Variants in TTF2 observed in about 807,000 individuals in gnomAD.
The protein encoded by TTF2 is RNA polymerase II termination factor.
In TTF2, 108 loss-of-function variants were observed where a neutral mutation model predicts 142.4. That is an observed-to-expected ratio of 0.76 (90% CI 0.65 to 0.89). TTF2 has a LOEUF of 0.89. TTF2 is among the 40% of genes least tolerant of loss of function. The pLI is 0.00. For synonymous variants in TTF2, 483 were observed against 506.2 expected (o/e 0.95, Z 0.61); for missense variants, 1,327 against 1,379.8 (o/e 0.96, Z 0.61).
At chr1:117,091,983 T>C in intron 17 of TTF2, 33 bp downstream of exon 17, 1 of 1,570,916 alleles carries the variant, frequency 6.4e-7, no homozygotes, top group South Asian at 1.2e-5. Context: ...TGTCATATAG[T>C]GCTCCAGAGG....
At position 117,081,906 on chromosome 1, in the gene TTF2, A is replaced by G; in HGVS notation, c.1862A>G (p.Glu621Gly). ...LTQKNQEKKE[E>G]KEKSTALTWL... ...CAGAAGAATCAAGAGAAAAAGGAAG[A>G]AAAGGAGAAAAGCACAGCTTTGACG... Residue 621 changes from glutamate to glycine, a missense_variant, in exon 10 of 23, where the codon GAA (glutamate) becomes GGA (glycine). Coordinates refer to ENST00000369466, the MANE Select transcript of TTF2 (RefSeq NM_003594.4). 3 of 1,614,196 alleles carry G rather than the reference A, an allele frequency of 1.9e-6. No individual in the cohort carries two copies. Among genetic ancestry groups the G allele is most frequent in the East Asian group, 4.5e-5 (2 of 44,874 alleles).
chr1:117,075,713 G>T lies in TTF2; in HGVS notation c.1129G>T (p.Asp377Tyr). Residue 377 changes from aspartate (D) to tyrosine (Y), a missense_variant, in exon 5 of 23, where the codon GAC becomes TAC. Coordinates refer to ENST00000369466, the MANE Select transcript of TTF2 (RefSeq NM_003594.4). This position sits in a 1 kb window ranked among gnomAD's most constrained non-coding sequence, Gnocchi z 4.5. Reference sequence around the variant, plus strand: ...CCCCCTACTCTTTGACTCGACTCTGGACTTAGAGACGAAGGAAAACCTCCA... The same window carrying T: ...CCCCCTACTCTTTGACTCGACTCTGTACTTAGAGACGAAGGAAAACCTCCA... ...GSPLLFDSTL[D>Y]LETKENLQFP... The T allele has an allele frequency of 1.9e-6, 3 of 1,614,152 alleles. No individual in the cohort carries two copies. The highest frequency in any genetic ancestry group is 2.5e-6 in the Non-Finnish European group (3 of 1,180,038).
rs554313653 is a variant in TTF2 at position 117,100,821 on chromosome 1, A to G, written c.3345-559A>G. 6.6e-6 allele frequency among the ~76,000 whole-genome samples: 1 copy of G among 152,198 alleles called. No individual in the cohort carries two copies. Among genetic ancestry groups the G allele is most frequent in the African/African-American group, 2.4e-5 (1 of 41,526 alleles). On this transcript the variant is annotated intron_variant, in intron 22 of 22. Transcript: ENST00000369466. This position sits in a 1 kb window ranked among gnomAD's most constrained non-coding sequence, Gnocchi z 4.6. ...ATTATAGCACTTACCAGGTCATATT[A>G]TTGTTTATTTTCATGTTTGTCTCGC...
At chr1:117,062,251 A>G (rs1156648769) in intron 2 of TTF2, 136 bp from the exon 3 acceptor site, 3 of 700,988 alleles carry the variant, frequency 4.3e-6, no homozygotes, top group East Asian at 2.7e-5. Flanking sequence ...TAGCTGTGAT[A>G]ATGTGTGGGA....
In TTF2 at chr1:117,075,729, A is replaced by G. The variant is rs548868642; in HGVS notation, c.1145A>G (p.Glu382Gly). ...TCGACTCTGGACTTAGAGACGAAGG[A>G]AAACCTCCAATTCCCTGATCGAAGT... ...FDSTLDLETKENLQFPDRSVQ... is the reference protein window; with the variant it reads ...FDSTLDLETKGNLQFPDRSVQ... The change falls in exon 5 of 23, where the codon GAA (glutamate) becomes GGA (glycine). Residue 382 changes from glutamate to glycine, a missense_variant. Coordinates refer to ENST00000369466, the MANE Select transcript of TTF2 (RefSeq NM_003594.4). This position sits in a 1 kb window ranked among gnomAD's most constrained non-coding sequence, Gnocchi z 4.5. 2 of 1,614,238 alleles carry G rather than the reference A, an allele frequency of 1.2e-6. No homozygotes were observed. The highest frequency in any genetic ancestry group is 2.2e-5 in the East Asian group (1 of 44,880).
intron 16 of TTF2, 124 bp downstream of exon 16, chr1:117,091,534 C>A (rs1214369174): frequency 2.0e-6 from 2 of 1,022,484 alleles, no homozygotes; most frequent in Non-Finnish European, 2.8e-6. Context: ...CTAAGACCCT[C>A]AAACCAGAGT....
At chr1:117,060,685 C>G (rs978664890) in intron 2 of TTF2, 128 bp downstream of exon 2, 2 of 859,528 alleles carry the variant, frequency 2.3e-6, no homozygotes, top group Non-Finnish European at 3.4e-6. Context: ...TGTCAGGACC[C>G]TTTAAGCAAT....
Position 117,075,882 on chromosome 1 carries a change from T to C in TTF2, c.1275+23T>C. The C allele has an allele frequency of 1.9e-6, 3 of 1,581,730 alleles. No homozygotes were observed. Among genetic ancestry groups the C allele is most frequent in the Non-Finnish European group, 2.6e-6 (3 of 1,166,870 alleles). Reference sequence around the variant, plus strand: ...AAGGTAACTATTGACTCGTGTTTTGTTTCTGAGGTCAGAGCATTGCTTGTT... The same window carrying C: ...AAGGTAACTATTGACTCGTGTTTTGCTTCTGAGGTCAGAGCATTGCTTGTT... On this transcript the variant is annotated intron_variant, in intron 5 of 22. Transcript: ENST00000369466. This position sits in a 1 kb window ranked among gnomAD's most constrained non-coding sequence, Gnocchi z 4.5.
intron 3 of TTF2, among the ~76,000 whole-genome samples, chr1:117,065,369 CG>C (rs1408904493): frequency 1.3e-5 from 2 of 152,144 alleles, no homozygotes; most frequent in Non-Finnish European, 2.9e-5. Context: ...GAGGCCAAGG[CG>C]GGCGGATCAC....
intron 10 of TTF2, among the ~76,000 whole-genome samples, chr1:117,082,238 G>T (rs200417793): frequency 4.5e-5 from 2 of 44,242 alleles, no homozygotes; most frequent in East Asian, 5.7e-3. Flanking sequence ...TTTTGAGACA[G>T]GGTCTCGCTC....
intron 16 of TTF2, 71 bp downstream of exon 16, chr1:117,091,481 A>C: frequency 6.8e-7 from 1 of 1,461,654 alleles, no homozygotes; most frequent in South Asian, 1.3e-5. Flanking sequence ...AAAACACAGA[A>C]ATGTGAGGTT....
At position 117,079,046 on chromosome 1, in the gene TTF2, C is replaced by T. The variant is rs566623720; in HGVS notation, c.1702-522C>T. ...CTTGAGGCCAGGAGCTCAAGACTAG[C>T]CTGGCCAACATGGTGAAACCCCATC... On this transcript the variant is annotated intron_variant, in intron 8 of 22. Transcript: ENST00000369466. This position sits in a 1 kb window ranked among gnomAD's most constrained non-coding sequence, Gnocchi z 4.2. Among the ~76,000 whole-genome samples the T allele has an allele frequency of 1.3e-5, 2 of 152,168 alleles. No homozygotes were observed. Among genetic ancestry groups the T allele is most frequent in the Non-Finnish European group, 2.9e-5 (2 of 68,000 alleles).
At chr1:117,068,578 A>C (rs1161546321) in intron 3 of TTF2, among the ~76,000 whole-genome samples, 2 of 152,204 alleles carry the variant, frequency 1.3e-5, no homozygotes, top group African/African-American at 4.8e-5. Context: ...CACCTCCAAA[A>C]AAAAATTAAT....
At position 117,101,589 on chromosome 1, in the gene TTF2, A is replaced by G; in HGVS notation, c.*65A>G. On this transcript the variant is annotated 3_prime_UTR_variant, in exon 23 of 23. Coordinates refer to ENST00000369466, the MANE Select transcript of TTF2 (RefSeq NM_003594.4). The surrounding 1 kb of genome is among the most constrained non-coding windows in gnomAD (Gnocchi z 5.9). Reference sequence around the variant, plus strand: ...TTTGTATTAGGATCTGGGAATAACAACCTAACCATGAGCCTTGAACTCTGT... The same window carrying G: ...TTTGTATTAGGATCTGGGAATAACAGCCTAACCATGAGCCTTGAACTCTGT... 6.9e-7 allele frequency: 1 copy of G among 1,448,584 alleles called. No individual in the cohort carries two copies. Among genetic ancestry groups the G allele is most frequent in the Non-Finnish European group, 9.1e-7 (1 of 1,098,152 alleles). The allele number at this position is 1,448,584 out of a possible 1,614,324, so 89.7% of individuals were successfully genotyped here.
intron 19 of TTF2, 37 bp from the exon 20 acceptor site, chr1:117,096,110 CTA>C: frequency 6.2e-7 from 1 of 1,609,352 alleles, no homozygotes. Context: ...TCTGTTTAAT[CTA>C]TGTTAGGGTA....
Position 117,076,130 on chromosome 1 carries a change from C to T in TTF2, c.1276-50C>T, listed in dbSNP as rs764775522. On this transcript the variant is annotated intron_variant, in intron 5 of 22. Coordinates refer to ENST00000369466, the MANE Select transcript of TTF2 (RefSeq NM_003594.4). The surrounding 1 kb of genome is among the most constrained non-coding windows in gnomAD (Gnocchi z 4.6). ...CAGGCTATTTTAATCTGAAACTATT[C>T]ATCTAACAGTGTGAGAGGAGAGATC... 1.3e-6 allele frequency: 2 copies of T among 1,531,948 alleles called. No homozygotes were observed. Among genetic ancestry groups the T allele is most frequent in the Non-Finnish European group, 1.8e-6 (2 of 1,113,654 alleles). 94.9% of individuals were successfully genotyped at this position (1,531,948 alleles called of 1,614,324 possible). A position where few individuals can be genotyped will look rare whatever the true frequency, so the allele number is the denominator to read the frequency against.
chr1:117,067,064 G>T (rs1471281091), intron 3 of TTF2, among the ~76,000 whole-genome samples: 2 of 152,108 alleles, frequency 1.3e-5, no homozygotes, highest in African/African-American at 4.8e-5. Flanking sequence ...TCTGAAGAAA[G>T]GCCTGACTGA....
chr1:117,095,574 T>A (rs80034236), intron 19 of TTF2, among the ~76,000 whole-genome samples: 1 of 151,662 alleles, frequency 6.6e-6, no homozygotes, highest in African/African-American at 2.4e-5. Flanking sequence ...GCGAAGCATC[T>A]GAAAAAGTGT....
intron 4 of TTF2, 146 bp from the exon 5 acceptor site, chr1:117,074,724 C>T: frequency 5.7e-6 from 4 of 700,460 alleles, no homozygotes; most frequent in South Asian, 2.4e-5. Context: ...GCACTATGCT[C>T]ACTGCCTGAG....
Sources: gnomAD v4.1 joint callset for allele counts (sites outside exome capture counted in the v4.1 genomes callset) on GRCh38, gnomAD v4.1.1 for gene constraint, Gnocchi (gnomAD v3.1) non-coding constraint, MANE v1.5 for transcripts, NCBI Gene and HGNC (gene_info 2026-07-23, HGNC 2026-07-21) for gene names.